RBFOX1: variants seen among roughly 807,000 people sequenced by gnomAD.
RBFOX1 encodes RNA binding protein fox-1 homolog 1.
In RBFOX1, 8 loss-of-function variants were observed where a neutral mutation model predicts 57.7. That is an observed-to-expected ratio of 0.14 (90% CI 0.08 to 0.25). RBFOX1 has a LOEUF of 0.25. RBFOX1 is among the 10% of genes least tolerant of loss of function. The pLI is 1.00. For missense variants in RBFOX1, 611 were observed against 548.5 expected, an observed-to-expected ratio of 1.11 and a Z score of -1.14; for synonymous variants, 326 against 222.4, an observed-to-expected ratio of 1.47 and a Z score of -4.15.
At chr16:7,430,548 G>T (rs1275445582) in intron 4 of RBFOX1, among the ~76,000 whole-genome samples, 1 of 151,882 alleles carries the variant, frequency 6.6e-6, no homozygotes. Context: ...TGTAGTCCCA[G>T]CTACTCGAGA....
chr16:5,324,880 G>T (rs1321439308), intron 1 of RBFOX1, among the ~76,000 whole-genome samples: 10 of 152,138 alleles, frequency 6.6e-5, no homozygotes, highest in South Asian at 4.1e-4. Context: ...ACTAGACTTA[G>T]TGGTACTACA....
chr16:5,901,877 A>G lies in RBFOX1; in HGVS notation c.351+34542A>G, dbSNP rs987661109. Among the ~76,000 whole-genome samples the G allele has an allele frequency of 7.9e-5, 12 of 152,246 alleles. No individual in the cohort carries two copies. In the South Asian group the frequency reaches 2.3e-3, roughly 29 times the overall value. ...GAAAATTCCTTCCCTCAATCTGCCT[A>G]TGCCCAAGCATTCTTGATCTTCAGA... On this transcript the variant is annotated intron_variant, in intron 4 of 19. Transcript: ENST00000641259.
At chr16:5,726,578 G>A (rs1200846547) in intron 3 of RBFOX1, among the ~76,000 whole-genome samples, 1 of 152,164 alleles carries the variant, frequency 6.6e-6, no homozygotes, top group Admixed American at 6.5e-5. Context: ...GTCCAGGGAA[G>A]CAGCCTCAGA....
Position 7,475,196 on chromosome 16 carries a change from C to T in RBFOX1, c.28-42951C>T, listed in dbSNP as rs75377118. Among the ~76,000 whole-genome samples, 143 of 151,722 alleles carry T rather than the reference C, an allele frequency of 9.4e-4. 3 individuals are homozygous for T. The East Asian group carries it at 0.026, about 27-fold the overall frequency. On this transcript the variant is annotated intron_variant, in intron 4 of 15. Coordinates refer to ENST00000550418, the MANE Select transcript of RBFOX1 (RefSeq NM_018723.4). ...TATTTTCTGTTGACTCATAGCAACT[C>T]GGGAGGGAGATTATTGAAGAACAAA... is the stretch of plus-strand genomic sequence containing the variant.
At chr16:6,354,164 G>C (rs1158914098) in intron 2 of RBFOX1, among the ~76,000 whole-genome samples, 1 of 152,108 alleles carries the variant, frequency 6.6e-6, no homozygotes, top group Non-Finnish European at 1.5e-5. Context: ...ATGTTGGAGT[G>C]AGCCGAGATC....
chr16:6,346,773 G>C (rs779608926), intron 2 of RBFOX1, among the ~76,000 whole-genome samples: 1 of 152,176 alleles, frequency 6.6e-6, no homozygotes, highest in Non-Finnish European at 1.5e-5. Context: ...CTTCGTAATT[G>C]AGGCTTGTCT....
chr16:6,826,437 T>A (rs1341107048), intron 3 of RBFOX1, among the ~76,000 whole-genome samples: 1 of 152,096 alleles, frequency 6.6e-6, no homozygotes, highest in South Asian at 2.1e-4. Context: ...AGCACTCAAG[T>A]AATTCCCATG....
chr16:7,490,746 C>T (rs1266782252), intron 4 of RBFOX1, among the ~76,000 whole-genome samples: 1 of 152,098 alleles, frequency 6.6e-6, no homozygotes, highest in African/African-American at 2.4e-5. Context: ...TCAAATTGTT[C>T]ATTATCTTCT....
upstream of RBFOX1, chr16:5,239,779 G>T (rs1443737721): frequency 1.9e-5 from 12 of 616,010 alleles, no homozygotes; most frequent in Non-Finnish European, 3.0e-5. Context: ...GCCCAGCTCC[G>T]CGCCGCGCGG....
chr16:6,509,801 T>C (rs912641080), intron 2 of RBFOX1, among the ~76,000 whole-genome samples: 1 of 152,224 alleles, frequency 6.6e-6, no homozygotes, highest in South Asian at 2.1e-4. Context: ...ATGTAACTCA[T>C]AAATATATAC....
chr16:6,658,946 T>TTTTTG (rs1316923725), intron 3 of RBFOX1, among the ~76,000 whole-genome samples: 3 of 110,242 alleles, frequency 2.7e-5, no homozygotes, highest in East Asian at 4.5e-4. Flanking sequence ...GTTTTTTTTG[T>TTTTTG]TTTTTTTTTT....
At chr16:7,623,389 T>G (rs529914552) in intron 10 of RBFOX1, among the ~76,000 whole-genome samples, 3 of 152,306 alleles carry the variant, frequency 2.0e-5, no homozygotes, top group African/African-American at 4.8e-5. Flanking sequence ...GCCCTGGGCT[T>G]CTTTTCTTGT....
At chr16:5,932,115 T>C (rs746580267) in intron 4 of RBFOX1, among the ~76,000 whole-genome samples, 4 of 152,168 alleles carry the variant, frequency 2.6e-5, no homozygotes, top group Non-Finnish European at 5.9e-5. Flanking sequence ...TTGTATGGCA[T>C]AGTTGGTCCT....
intron 3 of RBFOX1, among the ~76,000 whole-genome samples, chr16:6,753,733 GC>G (rs1555774554): frequency 1.3e-4 from 6 of 46,694 alleles, no homozygotes; most frequent in African/African-American, 2.7e-4. Flanking sequence ...AGTTAGCGGA[GC>G]AGCAGCTCTG....
intron 1 of RBFOX1, among the ~76,000 whole-genome samples, chr16:6,036,996 G>A (rs1370847307): frequency 6.6e-6 from 1 of 152,174 alleles, no homozygotes; most frequent in Non-Finnish European, 1.5e-5. Flanking sequence ...GGGACTGTGT[G>A]TGTTGGAGGT....
At chr16:7,148,935 A>G (rs2075582082) in intron 4 of RBFOX1, among the ~76,000 whole-genome samples, 2 of 152,200 alleles carry the variant, frequency 1.3e-5, no homozygotes, top group Admixed American at 1.3e-4. Flanking sequence ...GTTTAGTCTG[A>G]TGCATTTCAT....
chr16:7,303,022 C>A (rs916110608), intron 4 of RBFOX1, among the ~76,000 whole-genome samples: 1 of 152,218 alleles, frequency 6.6e-6, no homozygotes, highest in South Asian at 2.1e-4. Context: ...CAGACACGGA[C>A]TTCCCTACCC....
intron 4 of RBFOX1, among the ~76,000 whole-genome samples, chr16:7,309,823 C>G (rs59271741): frequency 0.76 from 116,108 of 152,184 alleles, 44,393 homozygotes; most frequent in East Asian, 0.93. Context: ...TGATGAGCAG[C>G]ACATGTCATC....
At chr16:7,216,349 G>A (rs933597456) in intron 4 of RBFOX1, among the ~76,000 whole-genome samples, 1 of 152,050 alleles carries the variant, frequency 6.6e-6, no homozygotes, top group Admixed American at 6.5e-5. Flanking sequence ...CCGTAAAATG[G>A]GAATAATAAT....
Sources: allele counts gnomAD v4.1 joint callset (sites outside exome capture counted in the v4.1 genomes callset), GRCh38; gene constraint gnomAD v4.1.1; transcripts MANE v1.5; gene names NCBI Gene and HGNC (gene_info 2026-07-23, HGNC 2026-07-21).